The following CTPS1 variants were observed in gnomAD, a reference collection of about 807,000 sequenced individuals.
The protein encoded by CTPS1 is CTP synthase 1.
A neutral mutation model predicts 80.5 loss-of-function variants in CTPS1; 25 were observed. The ratio of observed to expected loss-of-function variants is 0.31; its 90% CI spans 0.23 to 0.43. The LOEUF is 0.43. Among genes scored for constraint, CTPS1 ranks in the 20% least tolerant of loss-of-function variants. The probability of loss-of-function intolerance (pLI) is 1.00; values close to 1 mark genes in which losing one functional copy is unlikely to be tolerated. For missense variants in CTPS1, 442 were observed against 725.7 expected (o/e 0.61, Z 4.49); for synonymous variants, 267 against 252.5 (o/e 1.06, Z -0.54).
chr1:40,995,783 G>A (rs1254954080), intron 7 of CTPS1, 134 bp from the exon 8 acceptor site: 3 of 781,488 alleles, frequency 3.8e-6, no homozygotes, highest in Non-Finnish European at 4.0e-6. Flanking sequence ...GTCTGTTTTA[G>A]TAGTTTATCT....
chr1:41,008,213 GT>G (rs1478194475), intron 14 of CTPS1, among the ~76,000 whole-genome samples: 1 of 152,214 alleles, frequency 6.6e-6, no homozygotes, highest in Admixed American at 6.5e-5. Flanking sequence ...TGTCCAGCTT[GT>G]TCACATGCAG....
At position 41,008,779 on chromosome 1, in the gene CTPS1, T is replaced by C. The variant is rs745988551; in HGVS notation, c.1450-15T>C. 31 of 1,614,024 alleles carry C rather than the reference T, an allele frequency of 1.9e-5. No homozygotes were observed. The highest frequency in any genetic ancestry group is 2.6e-5 in the Non-Finnish European group (31 of 1,179,976). ...AGCTGAGAGACCAGCAGAATTATTT[T>C]TCATGCCTCAACAGGTGAATCCAGT... On this transcript the variant is annotated splice_polypyrimidine_tract_variant and intron_variant, in intron 15 of 18. Transcript: ENST00000650070.
intron 13 of CTPS1, among the ~76,000 whole-genome samples, chr1:41,006,747 C>T (rs369927466): frequency 2.0e-4 from 30 of 152,298 alleles, no homozygotes; most frequent in African/African-American, 4.8e-4. Flanking sequence ...AATGTGAATG[C>T]GTACTATATG....
chr1:41,007,383 G>A lies in CTPS1; in HGVS notation c.1297-66G>A, dbSNP rs1643059930. 5.1e-6 allele frequency: 7 copies of A among 1,380,244 alleles called. No individual in the cohort carries two copies. Among genetic ancestry groups the A allele is most frequent in the Non-Finnish European group, 6.2e-6 (6 of 971,528 alleles). 85.5% of individuals were successfully genotyped at this position (1,380,244 alleles called of 1,614,324 possible). On this transcript the variant is annotated intron_variant, in intron 13 of 18. Coordinates refer to ENST00000650070, the MANE Select transcript of CTPS1 (RefSeq NM_001905.4). This position sits in a 1 kb window ranked among gnomAD's most constrained non-coding sequence, Gnocchi z 4.4. ...TACAAGCCTTTGCCACCCACTCAGC[G>A]AGGGAGGTTTCTCTCTAGCGGAAGC... is the stretch of plus-strand genomic sequence containing the variant.
chr1:41,009,726 C>T (rs1470334608), intron 17 of CTPS1, 137 bp downstream of exon 17: 3 of 1,014,894 alleles, frequency 3.0e-6, no homozygotes, highest in East Asian at 2.6e-5. Context: ...GTTTCCTCTC[C>T]TTTCCCGGAG....
intron 3 of CTPS1, among the ~76,000 whole-genome samples, chr1:40,986,708 C>T (rs748229146): frequency 2.6e-5 from 4 of 152,178 alleles, no homozygotes; most frequent in Admixed American, 6.5e-5. Flanking sequence ...AAGTGTTGAG[C>T]AATTGCTGGC....
intron 7 of CTPS1, among the ~76,000 whole-genome samples, chr1:40,994,115 CTT>C (rs745741501): frequency 6.6e-6 from 1 of 152,128 alleles, no homozygotes; most frequent in East Asian, 1.9e-4. Context: ...AGCACAGACA[CTT>C]TTAAATTTCG....
chr1:40,992,140 CTGTTAAGAACCCA>C (rs1642626935), intron 7 of CTPS1, among the ~76,000 whole-genome samples: 1 of 152,188 alleles, frequency 6.6e-6, no homozygotes, highest in African/African-American at 2.4e-5. Context: ...TGGCTAATTT[CTGTTAAGAACCCA>C]TGTCCCCCTC....
intron 16 of CTPS1, 37 bp from the exon 17 acceptor site, chr1:41,009,408 T>C: frequency 6.5e-7 from 1 of 1,526,896 alleles, no homozygotes; most frequent in South Asian, 1.3e-5. Context: ...TGCATAACCT[T>C]CACAATGAAG....
intron 4 of CTPS1, 136 bp downstream of exon 4, chr1:40,987,608 G>A: frequency 3.5e-6 from 2 of 571,190 alleles, no homozygotes; most frequent in Non-Finnish European, 6.1e-6. Flanking sequence ...GGCAGGTAAG[G>A]GCACAGTTAA....
In CTPS1 at chr1:41,001,063, C is replaced by G; in HGVS notation, c.1040C>G (p.Ser347Trp). ...TCTGCGGACTTGGAGCCCATCACCT[C>G]GCAAGAAGAGCCCGTGCGCTACCAC... ...IDSADLEPITSQEEPVRYHEA... is the reference protein window; with the variant it reads ...IDSADLEPITWQEEPVRYHEA... Residue 347 changes from serine to tryptophan, a missense_variant, in exon 10 of 19, where the codon TCG becomes TGG. Ser to Trp is a radical substitution (Grantham distance 177). This residue lies in a region of CTPS1 where 321 missense variants were observed against 467.2 expected (regional missense o/e 0.69). Transcript: ENST00000650070. 1 of 1,612,474 alleles carries G rather than the reference C, an allele frequency of 6.2e-7. No individual in the cohort carries two copies. Among genetic ancestry groups the G allele is most frequent in the Non-Finnish European group, 8.5e-7 (1 of 1,179,430 alleles).
intron 1 of CTPS1, chr1:40,980,298 G>T (rs539185609): frequency 5.9e-5 from 9 of 152,090 alleles, no homozygotes; most frequent in Admixed American, 5.9e-4. Flanking sequence ...CGGCCTCGGC[G>T]CGGGCTCAGC....
rs753346173 is a variant in CTPS1, at chr1:41,002,227, G to T, written c.1162G>T (p.Ala388Ser). 6 of 1,614,056 alleles carry T rather than the reference G, an allele frequency of 3.7e-6. No individual in the cohort carries two copies. The South Asian group carries it at 5.5e-5, about 15-fold the overall frequency. ...TEGKIQAIAW[A>S]RNQKKPFLGV... Reference sequence around the variant, plus strand: ...AGGAAAAATCCAAGCAATTGCCTGGGCTCGGAATCAGAAAAAGCCTTTTTT... The same window carrying T: ...AGGAAAAATCCAAGCAATTGCCTGGTCTCGGAATCAGAAAAAGCCTTTTTT... The change falls in exon 11 of 19, where the codon GCT becomes TCT. Residue 388 changes from alanine to serine, a missense_variant. By Grantham distance (99) the Ala-to-Ser change is moderately conservative (BLOSUM62 1). Coordinates refer to ENST00000650070, the MANE Select transcript of CTPS1 (RefSeq NM_001905.4).
chr1:40,980,497 A>G (rs1285817017), intron 1 of CTPS1: 6 of 152,080 alleles, frequency 3.9e-5, no homozygotes, highest in African/African-American at 1.4e-4. Context: ...CGCTCGTTAC[A>G]GTTTCGAATC....
Position 41,009,515 on chromosome 1 carries a change from A to G in CTPS1, c.1617A>G (p.Pro539=), listed in dbSNP as rs138555227. Residue 539 remains proline (P), a synonymous_variant, in exon 17 of 19, where the codon CCA becomes CCG. Coordinates refer to ENST00000650070, the MANE Select transcript of CTPS1 (RefSeq NM_001905.4). ...FLSRPIKPSP[P]YFGLLLASVG... is the part of the protein sequence containing the mutation. ...CCAGGCCTATCAAGCCCTCCCCACC[A>G]TACTTTGGCCTCCTCCTGGCCTCTG... The G allele has an allele frequency of 6.2e-4, 1,001 of 1,613,948 alleles. 7 individuals are homozygous for G. In the African/African-American group the frequency reaches 0.012, roughly 19 times the overall value.
At chr1:40,997,713 A>G (rs911416103) in intron 9 of CTPS1, among the ~76,000 whole-genome samples, 187 bp downstream of exon 9, 1 of 152,220 alleles carries the variant, frequency 6.6e-6, no homozygotes, top group Non-Finnish European at 1.5e-5. Flanking sequence ...ATTTTCAGGA[A>G]TTAATGAAGG....
intron 4 of CTPS1, 84 bp downstream of exon 4, chr1:40,987,556 A>G: frequency 2.0e-6 from 2 of 992,128 alleles, no homozygotes; most frequent in Non-Finnish European, 3.2e-6. Flanking sequence ...TTCCCAGTGG[A>G]GCCCTTGGCC....
chr1:40,991,670 T>G, intron 6 of CTPS1, 95 bp from the exon 7 acceptor site: 1 of 809,390 alleles, frequency 1.2e-6, no homozygotes, highest in Non-Finnish European at 2.1e-6. Context: ...TCGTTCATCT[T>G]AACAATGTGA....
At chr1:40,986,275 C>G (rs1281690267) in intron 3 of CTPS1, among the ~76,000 whole-genome samples, 1 of 152,226 alleles carries the variant, frequency 6.6e-6, no homozygotes, top group Non-Finnish European at 1.5e-5. Flanking sequence ...GCTGAGAGGC[C>G]AGTCACAGCG....
Sources: allele counts gnomAD v4.1 joint callset (sites outside exome capture counted in the v4.1 genomes callset), GRCh38; gene constraint gnomAD v4.1.1; regional missense constraint gnomAD v4.1.1; non-coding constraint Gnocchi (gnomAD v3.1); transcripts MANE v1.5; gene names NCBI Gene and HGNC (gene_info 2026-07-23, HGNC 2026-07-21).